KCNIP4: variants seen among roughly 807,000 people sequenced by gnomAD.
KCNIP4 encodes potassium voltage-gated channel interacting protein 4, also known as Kv channel-interacting protein 4.
In KCNIP4, 12 loss-of-function variants were observed where a neutral mutation model predicts 34.0. The ratio of observed to expected loss-of-function variants is 0.35; its 90% CI spans 0.23 to 0.57. KCNIP4 has a LOEUF of 0.57. Ranked by LOEUF, KCNIP4 falls within the 20% of genes least tolerant of loss-of-function variation. The probability of loss-of-function intolerance (pLI) is 0.83; values close to 1 mark genes in which losing one functional copy is unlikely to be tolerated. For synonymous variants in KCNIP4, 124 were observed against 102.2 expected, an observed-to-expected ratio of 1.21 and a Z score of -1.29; for missense variants, 238 against 311.7, an observed-to-expected ratio of 0.76 and a Z score of 1.78.
intron 1 of KCNIP4, among the ~76,000 whole-genome samples, chr4:21,448,744 C>T (rs1728255615): frequency 6.6e-6 from 1 of 152,070 alleles, no homozygotes; most frequent in African/African-American, 2.4e-5. Context: ...AGAGATTAGA[C>T]ATATAGCTGA....
At chr4:21,616,252 T>G (rs1349045085) in intron 1 of KCNIP4, among the ~76,000 whole-genome samples, 3 of 152,146 alleles carry the variant, frequency 2.0e-5, no homozygotes, top group Non-Finnish European at 4.4e-5. Flanking sequence ...CTTCTTCAAA[T>G]TTTGACTCAA....
chr4:21,477,969 T>C (rs1731125070), intron 1 of KCNIP4, among the ~76,000 whole-genome samples: 1 of 152,176 alleles, frequency 6.6e-6, no homozygotes, highest in Non-Finnish European at 1.5e-5. Context: ...AACAAACCCA[T>C]GAACAAAAAT....
intron 1 of KCNIP4, among the ~76,000 whole-genome samples, chr4:20,970,938 T>G (rs186599660): frequency 6.6e-6 from 1 of 152,148 alleles, no homozygotes; most frequent in Non-Finnish European, 1.5e-5. Flanking sequence ...AGACATCAAG[T>G]GTTTAATGCA....
At chr4:21,707,361 T>G (rs536239698) in intron 1 of KCNIP4, among the ~76,000 whole-genome samples, 1 of 152,134 alleles carries the variant, frequency 6.6e-6, no homozygotes, top group East Asian at 1.9e-4. Flanking sequence ...AAACAAAACA[T>G]CCTGGAGGGC....
intron 1 of KCNIP4, among the ~76,000 whole-genome samples, chr4:21,545,949 G>A (rs941148008): frequency 7.9e-5 from 12 of 152,068 alleles, no homozygotes; most frequent in Admixed American, 2.6e-4. Flanking sequence ...GATCCTTCAG[G>A]AATTGCCACA....
At chr4:20,879,753 A>G (rs1461596280) in intron 2 of KCNIP4, among the ~76,000 whole-genome samples, 2 of 152,228 alleles carry the variant, frequency 1.3e-5, no homozygotes, top group African/African-American at 2.4e-5. Flanking sequence ...AAGAAGAAAT[A>G]TGTATGCTTT....
chr4:21,427,978 TA>T (rs57149067), intron 1 of KCNIP4, among the ~76,000 whole-genome samples: 23 of 152,102 alleles, frequency 1.5e-4, no homozygotes, highest in Admixed American at 9.8e-4. Context: ...TCTTATAACT[TA>T]AAAAAAATGT....
At chr4:21,915,919 G>T (rs1292548148) in intron 1 of KCNIP4, among the ~76,000 whole-genome samples, 2 of 152,064 alleles carry the variant, frequency 1.3e-5, no homozygotes, top group East Asian at 3.9e-4. Flanking sequence ...ATTTTGTTTT[G>T]TCTGTGTGCA....
At chr4:21,295,702 C>T (rs897594918) in intron 1 of KCNIP4, among the ~76,000 whole-genome samples, 4 of 152,192 alleles carry the variant, frequency 2.6e-5, no homozygotes, top group Admixed American at 1.3e-4. Flanking sequence ...AAGGCTTTCT[C>T]TGACAACCCT....
At chr4:21,632,913 T>C (rs1312206309) in intron 1 of KCNIP4, among the ~76,000 whole-genome samples, 2 of 152,178 alleles carry the variant, frequency 1.3e-5, no homozygotes, top group African/African-American at 4.8e-5. Flanking sequence ...CCAAAAGAGT[T>C]TGCATAATTG....
At chr4:21,151,020 G>T (rs1053191785) in intron 1 of KCNIP4, among the ~76,000 whole-genome samples, 2 of 152,074 alleles carry the variant, frequency 1.3e-5, no homozygotes, top group East Asian at 3.9e-4. Flanking sequence ...CTTGCTAGAA[G>T]GGAAAAAGAG....
chr4:21,243,465 G>A (rs1759994299), intron 1 of KCNIP4, among the ~76,000 whole-genome samples: 1 of 152,200 alleles, frequency 6.6e-6, no homozygotes, highest in African/African-American at 2.4e-5. Context: ...CTAAAATACA[G>A]ATTGGCTTCC....
chr4:21,088,787 C>T (rs992400465), intron 1 of KCNIP4, among the ~76,000 whole-genome samples: 9 of 152,044 alleles, frequency 5.9e-5, no homozygotes, highest in East Asian at 1.9e-4. Flanking sequence ...TTTTTCCCCC[C>T]GCCCATATCA....
intron 1 of KCNIP4, among the ~76,000 whole-genome samples, chr4:21,640,098 A>T (rs1372521744): frequency 6.6e-6 from 1 of 152,218 alleles, no homozygotes; most frequent in East Asian, 1.9e-4. Context: ...AAGAATTAGT[A>T]GCATTCCCAT....
At chr4:21,863,081 C>T (rs1311336816) in intron 1 of KCNIP4, among the ~76,000 whole-genome samples, 1 of 151,668 alleles carries the variant, frequency 6.6e-6, no homozygotes, top group Admixed American at 6.6e-5. Context: ...ACAATAAGGG[C>T]AAAAAAATTA....
At position 21,769,260 on chromosome 4, in the gene KCNIP4, A is replaced by G. The variant is rs1019077353; in HGVS notation, c.61+179311T>C. 7.9e-5 allele frequency among the ~76,000 whole-genome samples: 12 copies of G among 152,108 alleles called. 1 individual carries two copies. Among genetic ancestry groups the G allele is most frequent in the Admixed American group, 7.2e-4 (11 of 15,242 alleles). On this transcript the variant is annotated intron_variant, in intron 1 of 8. Transcript: ENST00000382152. ...TTTATTTTATTGGGAGTGAACATTT[A>G]TATTCATATCTATTAACCGTTTCTA...
chr4:21,460,431 C>T (rs1292375247), intron 1 of KCNIP4, among the ~76,000 whole-genome samples: 1 of 152,050 alleles, frequency 6.6e-6, no homozygotes, highest in Non-Finnish European at 1.5e-5. Flanking sequence ...GATTGCCATA[C>T]CGAAATACCA....
chr4:21,706,552 G>A (rs957484386), intron 1 of KCNIP4, among the ~76,000 whole-genome samples: 1 of 152,166 alleles, frequency 6.6e-6, no homozygotes, highest in Non-Finnish European at 1.5e-5. Context: ...GAAGGCCAAA[G>A]TCCAAATATA....
At chr4:21,728,389 T>C (rs1715353462) in intron 1 of KCNIP4, among the ~76,000 whole-genome samples, 1 of 152,136 alleles carries the variant, frequency 6.6e-6, no homozygotes. Flanking sequence ...ATGTTCATAA[T>C]TGAAGTACTT....
Sources: gnomAD v4.1 joint callset for allele counts (sites outside exome capture counted in the v4.1 genomes callset) on GRCh38, gnomAD v4.1.1 for gene constraint, MANE v1.5 for transcripts, NCBI Gene and HGNC (gene_info 2026-07-23, HGNC 2026-07-21) for gene names.